The following RFX3 variants were observed in gnomAD, a reference collection of about 807,000 sequenced individuals.
RFX3 encodes regulatory factor X3.
A neutral mutation model predicts 98.6 loss-of-function variants in RFX3; 14 were observed. The observed-to-expected ratio is 0.14, with a 90% CI of 0.09 to 0.22. The LOEUF (loss-of-function observed/expected upper bound fraction) is 0.22, where lower values mean the gene tolerates loss of function less well. Among genes scored for constraint, RFX3 ranks in the 10% least tolerant of loss-of-function variants. The pLI is 1.00. For synonymous variants in RFX3, 383 were observed against 328.4 expected, an observed-to-expected ratio of 1.17 and a Z score of -1.80; for missense variants, 639 against 926.9, an observed-to-expected ratio of 0.69 and a Z score of 4.03.
chr9:3,329,719 C>T (rs1188801477), intron 4 of RFX3, among the ~76,000 whole-genome samples: 1 of 152,024 alleles, frequency 6.6e-6, no homozygotes, highest in African/African-American at 2.4e-5. Context: ...AGTGAGTCAA[C>T]TTGGAAAACA....
intron 1 of RFX3, among the ~76,000 whole-genome samples, chr9:3,433,078 T>C (rs1844794766): frequency 6.6e-6 from 1 of 152,068 alleles, no homozygotes; most frequent in Non-Finnish European, 1.5e-5. Flanking sequence ...AAGCCGAGTA[T>C]ACAAAAAGGC....
intron 1 of RFX3, among the ~76,000 whole-genome samples, chr9:3,509,784 T>C (rs919479078): frequency 6.8e-6 from 1 of 146,752 alleles, no homozygotes; most frequent in African/African-American, 2.6e-5. Flanking sequence ...AGGCAGTACA[T>C]TTGAGTTCTT....
intron 1 of RFX3, among the ~76,000 whole-genome samples, chr9:3,493,772 T>G (rs1228724500): frequency 2.0e-5 from 3 of 149,664 alleles, no homozygotes; most frequent in African/African-American, 7.3e-5. Flanking sequence ...TAAACTTAGT[T>G]AAGGTCCAAA....
At chr9:3,338,729 T>C (rs952252763) in intron 3 of RFX3, among the ~76,000 whole-genome samples, 30 of 152,282 alleles carry the variant, frequency 2.0e-4, no homozygotes, top group African/African-American at 6.3e-4. Flanking sequence ...TTGGGAACCA[T>C]TGTACTAGTT....
At chr9:3,262,597 C>T (rs758603397) in intron 13 of RFX3, among the ~76,000 whole-genome samples, 15 of 152,174 alleles carry the variant, frequency 9.9e-5, no homozygotes, top group African/African-American at 2.9e-4. Context: ...AGTTAAGTAA[C>T]GCAATTGCCC....
intron 3 of RFX3, among the ~76,000 whole-genome samples, chr9:3,334,823 T>C (rs764699241): frequency 6.6e-6 from 1 of 152,116 alleles, no homozygotes; most frequent in African/African-American, 2.4e-5. Flanking sequence ...AGGCTGATTA[T>C]AATATCCTTA....
chr9:3,232,038 A>ACAAGCAAGCAAG (rs66952089), intron 15 of RFX3, among the ~76,000 whole-genome samples: 1,028 of 62,946 alleles, frequency 0.016, 14 homozygotes, highest in African/African-American at 0.065. Flanking sequence ...TGTCTCAAAA[A>ACAAGCAAGCAAG]CAAGCAAGCA....
intron 2 of RFX3, among the ~76,000 whole-genome samples, chr9:3,374,152 G>C (rs980203964): frequency 7.9e-5 from 12 of 152,026 alleles, no homozygotes; most frequent in Admixed American, 5.9e-4. Context: ...CATTAGGATG[G>C]TTACTGTCAA....
chr9:3,227,048 C>T (rs1367977323), intron 16 of RFX3, among the ~76,000 whole-genome samples: 2 of 152,072 alleles, frequency 1.3e-5, no homozygotes, highest in African/African-American at 4.8e-5. Context: ...AACTCAAGAG[C>T]CATCAAGAGG....
chr9:3,424,385 G>A (rs1349258170), intron 1 of RFX3, among the ~76,000 whole-genome samples: 9 of 101,040 alleles, frequency 8.9e-5, no homozygotes, highest in East Asian at 2.9e-4. Context: ...TTTTTGAGAC[G>A]GAGTCTCGCT....
rs938267415 is a variant in RFX3, at chr9:3,220,927, C to G, written c.*4115G>C. 2.6e-5 allele frequency: 4 copies of G among 152,168 alleles called. No individual in the cohort carries two copies. Among genetic ancestry groups the G allele is most frequent in the African/African-American group, 9.7e-5 (4 of 41,442 alleles). The allele number at this position is 152,168 out of a possible 1,614,324, so 9.4% of individuals were successfully genotyped here. A position where few individuals can be genotyped will look rare whatever the true frequency, so the allele number is the denominator to read the frequency against. ...CATGGAGGTTGTTCTGATCTAACAA[C>G]AAGCCCAATTTTCAACAGCACTGCA... On this transcript the variant is annotated 3_prime_UTR_variant, in exon 17 of 17. Transcript: ENST00000617270.
intron 4 of RFX3, among the ~76,000 whole-genome samples, chr9:3,312,828 C>G (rs1347657099): frequency 1.3e-5 from 2 of 152,214 alleles, no homozygotes; most frequent in African/African-American, 4.8e-5. Context: ...GGGGCGTCCG[C>G]CATTGCTTAG....
chr9:3,449,567 T>C (rs1451465288), intron 1 of RFX3, among the ~76,000 whole-genome samples: 2 of 152,178 alleles, frequency 1.3e-5, no homozygotes, highest in African/African-American at 4.8e-5. Flanking sequence ...TAAACTAACA[T>C]ACGGAAAATT....
chr9:3,372,517 C>T (rs977062807), intron 2 of RFX3, among the ~76,000 whole-genome samples: 2 of 151,760 alleles, frequency 1.3e-5, no homozygotes, highest in African/African-American at 4.8e-5. Context: ...CCATGTAGCA[C>T]CTGCCATCTT....
chr9:3,297,028 C>G (rs555035768), intron 5 of RFX3, among the ~76,000 whole-genome samples: 2 of 152,064 alleles, frequency 1.3e-5, no homozygotes, highest in South Asian at 2.1e-4. Flanking sequence ...ATTACTTTGA[C>G]TGTAAGAGAA....
intron 1 of RFX3, chr9:3,524,667 C>A (rs1412561553): frequency 3.5e-5 from 34 of 977,702 alleles, no homozygotes; most frequent in Non-Finnish European, 4.1e-5. Flanking sequence ...GTCTCATAAT[C>A]ACAATGAAAA....
At chr9:3,359,217 C>A (rs1423810869) in intron 2 of RFX3, among the ~76,000 whole-genome samples, 1 of 151,812 alleles carries the variant, frequency 6.6e-6, no homozygotes, top group African/African-American at 2.4e-5. Flanking sequence ...AAAGGGCAGA[C>A]AATGAAAAGA....
chr9:3,334,892 G>C (rs1038776877), intron 3 of RFX3, among the ~76,000 whole-genome samples: 1 of 152,080 alleles, frequency 6.6e-6, no homozygotes, highest in Non-Finnish European at 1.5e-5. Context: ...GGCTGAGATG[G>C]GTGGATCACC....
At chr9:3,397,890 C>G (rs1297280201) in intron 1 of RFX3, among the ~76,000 whole-genome samples, 1 of 152,114 alleles carries the variant, frequency 6.6e-6, no homozygotes, top group Non-Finnish European at 1.5e-5. Context: ...TGACTATAAT[C>G]TGCATTTACA....
Sources: allele counts gnomAD v4.1 joint callset (sites outside exome capture counted in the v4.1 genomes callset), GRCh38; gene constraint gnomAD v4.1.1; transcripts MANE v1.5; gene names NCBI Gene and HGNC (gene_info 2026-07-23, HGNC 2026-07-21).